VPS13B: variants seen among roughly 807,000 people sequenced by gnomAD.
VPS13B encodes the protein intermembrane lipid transfer protein VPS13B.
A neutral mutation model predicts 426.4 loss-of-function variants in VPS13B; 285 were observed. That is an observed-to-expected ratio of 0.67 (90% CI 0.61 to 0.74). The LOEUF is 0.74. VPS13B is among the 30% of genes least tolerant of loss of function. The pLI, the probability that VPS13B is intolerant of heterozygous loss-of-function variation, is 0.00. For synonymous variants in VPS13B, 1,676 were observed against 1,676.4 expected (o/e 1.00, Z 0.01); for missense variants, 4,537 against 4,782.6 (o/e 0.95, Z 1.51).
chr8:99,297,367 C>A (rs930818499), intron 19 of VPS13B, among the ~76,000 whole-genome samples: 1 of 151,330 alleles, frequency 6.6e-6, no homozygotes, highest in Non-Finnish European at 1.5e-5. Flanking sequence ...AGTATTAATC[C>A]TTGTAATCAC....
chr8:99,828,394 G>GTTTCTTTTTTTTTTTTTTTTT (rs1814831585), intron 51 of VPS13B, among the ~76,000 whole-genome samples: 1 of 17,424 alleles, frequency 5.7e-5, no homozygotes, highest in African/African-American at 2.4e-4. Flanking sequence ...TACAACCACC[G>GTTTCTTTTTTTTTTTTTTTTT]TTTTTTTTTT....
At chr8:99,640,043 GAAGAAGAGAAAAGAAAAGAAAAGAAA>G (rs1190369461) in intron 33 of VPS13B, among the ~76,000 whole-genome samples, 1 of 82,182 alleles carries the variant, frequency 1.2e-5, no homozygotes, top group Admixed American at 1.3e-4. Flanking sequence ...AGAAGAAGAA[GAAGAAGAGAAAAGAAAAGAAAAGAAA>G]AGAAAAGAAA....
At position 99,835,285 on chromosome 8, in the gene VPS13B, A is replaced by C; in HGVS notation, c.9703A>C (p.Arg3235=). 1 of 1,613,370 alleles carries C rather than the reference A, an allele frequency of 6.2e-7. No individual in the cohort carries two copies. The highest frequency in any genetic ancestry group is 8.5e-7 in the Non-Finnish European group (1 of 1,179,364). Residue 3235 remains arginine, a synonymous_variant, in exon 53 of 62, where the codon AGA becomes CGA. Transcript: ENST00000357162. ...DPSPRVIIHN[R]CPVKMLIKEN... is the part of the protein sequence containing the mutation. ...TAGTCCTCGAGTAATTATCCACAAT[A>C]GATGTCCAGTAAAAATGCTTATAAA...
chr8:99,356,989 A>T lies in VPS13B; in HGVS notation c.2825-27219A>T, dbSNP rs1049977757. 9.2e-5 allele frequency among the ~76,000 whole-genome samples: 14 copies of T among 152,240 alleles called. No homozygotes were observed. In the South Asian group the frequency reaches 2.7e-3, roughly 29 times the overall value. ...TTATTATAGAAAATGTAATTAATTT[A>T]CTAGAAACATAGATATATTTATTCA... On this transcript the variant is annotated intron_variant, in intron 19 of 61. Coordinates refer to ENST00000357162, the MANE Select transcript of VPS13B (RefSeq NM_152564.5).
At chr8:99,429,381 G>T (rs996593347) in intron 21 of VPS13B, among the ~76,000 whole-genome samples, 9 of 151,372 alleles carry the variant, frequency 5.9e-5, no homozygotes, top group African/African-American at 2.2e-4. Context: ...GCAATGTTGA[G>T]CATTTTAAAA....
intron 36 of VPS13B, among the ~76,000 whole-genome samples, chr8:99,701,417 C>A (rs1183474509): frequency 1.3e-5 from 2 of 152,036 alleles, no homozygotes; most frequent in East Asian, 3.9e-4. Flanking sequence ...TTTTTTCATC[C>A]TCATTGCTTT....
chr8:99,697,409 C>T, intron 35 of VPS13B: 1 of 646,192 alleles, frequency 1.5e-6, no homozygotes, highest in South Asian at 1.8e-5. Flanking sequence ...AGGACACTGC[C>T]CCCTGCTAGA....
chr8:99,298,666 A>G (rs1343357282), intron 19 of VPS13B, among the ~76,000 whole-genome samples: 1 of 152,166 alleles, frequency 6.6e-6, no homozygotes, highest in Non-Finnish European at 1.5e-5. Flanking sequence ...GTATCTTGTA[A>G]ATCATTTCTT....
chr8:99,072,110 C>T (rs1230705565), intron 3 of VPS13B, among the ~76,000 whole-genome samples: 6 of 151,910 alleles, frequency 3.9e-5, no homozygotes, highest in African/African-American at 1.5e-4. Context: ...GACAAAGTCC[C>T]CTTTATCCTT....
chr8:99,604,109 A>G (rs1827451578), intron 33 of VPS13B, among the ~76,000 whole-genome samples: 1 of 152,228 alleles, frequency 6.6e-6, no homozygotes. Context: ...AGCCCAAAAA[A>G]GAGGTAGATT....
chr8:99,769,881 G>A (rs556467694), intron 40 of VPS13B, among the ~76,000 whole-genome samples: 8 of 152,248 alleles, frequency 5.3e-5, no homozygotes, highest in African/African-American at 1.9e-4. Context: ...ATAATTGGGT[G>A]GGTTCAGTGG....
At chr8:99,529,045 C>A (rs1822789247) in intron 30 of VPS13B, among the ~76,000 whole-genome samples, 1 of 151,874 alleles carries the variant, frequency 6.6e-6, no homozygotes, top group South Asian at 2.1e-4. Context: ...TTTCAAAATA[C>A]CTTTTTTGAA....
At chr8:99,168,618 A>G (rs919906685) in intron 15 of VPS13B, among the ~76,000 whole-genome samples, 1 of 152,096 alleles carries the variant, frequency 6.6e-6, no homozygotes, top group Non-Finnish European at 1.5e-5. Flanking sequence ...TTGTACAGAA[A>G]CCAACGCAGT....
chr8:99,680,251 G>C (rs780819109), intron 35 of VPS13B, among the ~76,000 whole-genome samples: 3 of 152,102 alleles, frequency 2.0e-5, no homozygotes, highest in Admixed American at 6.5e-5. Context: ...AGTAAAGTTG[G>C]AACATTTTAA....
intron 16 of VPS13B, among the ~76,000 whole-genome samples, chr8:99,185,180 G>A (rs1813153875): frequency 6.6e-6 from 1 of 152,136 alleles, no homozygotes; most frequent in South Asian, 2.1e-4. Flanking sequence ...GTAGGCTGTA[G>A]ACATACACCT....
At chr8:99,773,014 C>T (rs1020021913) in intron 40 of VPS13B, among the ~76,000 whole-genome samples, 9 of 152,128 alleles carry the variant, frequency 5.9e-5, no homozygotes, top group African/African-American at 2.2e-4. Context: ...TTAACATTAA[C>T]CTATGTAGCC....
chr8:99,809,355 A>G lies in VPS13B; in HGVS notation c.7942-20A>G, dbSNP rs770598440. 3 of 1,613,816 alleles carry G rather than the reference A, an allele frequency of 1.9e-6. No homozygotes were observed. Among genetic ancestry groups the G allele is most frequent in the Non-Finnish European group, 2.5e-6 (3 of 1,179,892 alleles). On this transcript the variant is annotated intron_variant, in intron 43 of 61. Transcript: ENST00000357162. ...TGTTGGCACGTTTGGCATTATGACG[A>G]TTATTGTTTTTTTCTCCAGCTGTTA...
chr8:99,590,488 C>T (rs548212878), intron 33 of VPS13B, among the ~76,000 whole-genome samples: 1 of 152,214 alleles, frequency 6.6e-6, no homozygotes, highest in South Asian at 2.1e-4. Context: ...TATAAATTTC[C>T]GTCTACACAC....
At chr8:99,524,062 C>T (rs1335204470) in intron 30 of VPS13B, among the ~76,000 whole-genome samples, 1 of 151,984 alleles carries the variant, frequency 6.6e-6, no homozygotes, top group Non-Finnish European at 1.5e-5. Context: ...TTAAAAGAAT[C>T]AAGTAGAAAT....
Sources: allele counts gnomAD v4.1 joint callset (sites outside exome capture counted in the v4.1 genomes callset), GRCh38; gene constraint gnomAD v4.1.1; transcripts MANE v1.5; gene names NCBI Gene and HGNC (gene_info 2026-07-23, HGNC 2026-07-21).